Variants in ADIPOR2 observed in about 807,000 individuals in gnomAD.
The protein encoded by ADIPOR2 is adiponectin receptor 2.
A neutral mutation model predicts 40.9 loss-of-function variants in ADIPOR2; 18 were observed. That is an observed-to-expected ratio of 0.44 (90% CI 0.30 to 0.65). The LOEUF (loss-of-function observed/expected upper bound fraction) is 0.65, where lower values mean the gene tolerates loss of function less well. Ranked by LOEUF, ADIPOR2 falls within the 30% of genes least tolerant of loss-of-function variation. The pLI is 0.09. For synonymous variants in ADIPOR2, 165 were observed against 166.4 expected (o/e 0.99, Z 0.06); for missense variants, 283 against 479.2 (o/e 0.59, Z 3.82).
chr12:1,757,612 T>G (rs1862166093), intron 2 of ADIPOR2: 7 of 1,254,890 alleles, frequency 5.6e-6, no homozygotes, highest in Non-Finnish European at 7.0e-6. Context: ...AGTCACCAGA[T>G]GAGGGATTCC....
intron 2 of ADIPOR2, among the ~76,000 whole-genome samples, chr12:1,759,304 T>C (rs938453852): frequency 1.3e-5 from 2 of 152,238 alleles, no homozygotes; most frequent in African/African-American, 2.4e-5. Flanking sequence ...TTTGTTTTTT[T>C]CCCTCTTTTA....
At chr12:1,745,912 CAT>C (rs1348757757) in intron 1 of ADIPOR2, among the ~76,000 whole-genome samples, 2 of 150,440 alleles carry the variant, frequency 1.3e-5, no homozygotes, top group African/African-American at 2.5e-5. Flanking sequence ...TTTCATAAAA[CAT>C]ATGTTACACG....
rs1486125010 is a variant in ADIPOR2, at chr12:1,779,505, G to C, written c.464-946G>C. 3.9e-5 allele frequency among the ~76,000 whole-genome samples: 6 copies of C among 152,106 alleles called. 1 individual carries two copies. The highest frequency in any genetic ancestry group is 3.3e-4 in the Admixed American group (5 of 15,274). On this transcript the variant is annotated intron_variant, in intron 4 of 7. Transcript: ENST00000357103. ...GACAGTAGATTAGTGGTTGTTTAGG[G>C]CTGTAAGGAGTGGGGAATGGGGGAT...
Position 1,780,632 on chromosome 12 carries a change from C to T in ADIPOR2, c.645C>T (p.Phe215=). The change falls in exon 5 of 8, where the codon TTC becomes TTT. Residue 215 remains phenylalanine, a synonymous_variant. Coordinates refer to ENST00000357103, the MANE Select transcript of ADIPOR2 (RefSeq NM_024551.3). ...ACTCAGAGGGGGTCTCTCGGCTCTT[C>T]TCTAAGTAAGTATCTGTAAAGTCCG... ...YCHSEGVSRL[F]SKLDYSGIAL... is the part of the protein sequence containing the mutation. 1 of 1,588,342 alleles carries T rather than the reference C, an allele frequency of 6.3e-7. No individual in the cohort carries two copies. The highest frequency in any genetic ancestry group is 8.5e-7 in the Non-Finnish European group (1 of 1,171,582).
Position 1,773,052 on chromosome 12 carries a change from T to G in ADIPOR2, c.291+91T>G, listed in dbSNP as rs985984610. The G allele has an allele frequency of 3.5e-6, 5 of 1,433,800 alleles. No individual in the cohort carries two copies. The African/African-American group carries it at 5.7e-5, about 16-fold the overall frequency. 88.8% of individuals were successfully genotyped at this position (1,433,800 alleles called of 1,614,324 possible). ...AAGAGAGTGGTAGTACTATAGCCTT[T>G]GGTTTGCTTTGGGGAAGATCTGTGG... On this transcript the variant is annotated intron_variant, in intron 3 of 7. Coordinates refer to ENST00000357103, the MANE Select transcript of ADIPOR2 (RefSeq NM_024551.3).
intron 1 of ADIPOR2, among the ~76,000 whole-genome samples, chr12:1,742,082 G>GT (rs1185832357): frequency 1.3e-5 from 2 of 151,658 alleles, no homozygotes; most frequent in African/African-American, 2.4e-5. Flanking sequence ...GCCAGGGTCT[G>GT]TTTTTTGTCA....
chr12:1,708,298 G>A (rs149656014), intron 1 of ADIPOR2, among the ~76,000 whole-genome samples: 9 of 151,920 alleles, frequency 5.9e-5, no homozygotes, highest in East Asian at 1.9e-4. Context: ...CAGGGATACC[G>A]AGAGATGACT....
chr12:1,761,202 G>T (rs1396425092), intron 2 of ADIPOR2, among the ~76,000 whole-genome samples: 1 of 152,148 alleles, frequency 6.6e-6, no homozygotes, highest in Non-Finnish European at 1.5e-5. Context: ...TCCACTAGGG[G>T]TCTTAGAACA....
rs764833029 is a variant in ADIPOR2, at chr12:1,701,500, T to G, written c.-87+10309T>G. Among the ~76,000 whole-genome samples, 223 of 152,316 alleles carry G rather than the reference T, an allele frequency of 1.5e-3. 2 individuals are homozygous for G. Among genetic ancestry groups the G allele is most frequent in the Non-Finnish European group, 2.8e-3 (188 of 68,030 alleles). Reference sequence around the variant, plus strand: ...AAATCATAGTATTGCTTTGCATATTTTCAGATTTGATGTAAATGATATATT... The same window carrying G: ...AAATCATAGTATTGCTTTGCATATTGTCAGATTTGATGTAAATGATATATT... On this transcript the variant is annotated intron_variant, in intron 1 of 7. Transcript: ENST00000357103.
At chr12:1,698,072 G>A (rs1434551606) in intron 1 of ADIPOR2, 1 of 152,234 alleles carries the variant, frequency 6.6e-6, no homozygotes, top group Admixed American at 6.5e-5. Context: ...TCCACAGTGA[G>A]TAGTTCTCAG....
At chr12:1,693,520 CT>C (rs35175001) in intron 1 of ADIPOR2, among the ~76,000 whole-genome samples, 44,638 of 140,076 alleles carry the variant, frequency 0.32, 7,004 homozygotes, top group East Asian at 0.49. Flanking sequence ...TTGTAATCTG[CT>C]TTTTTTTTTT....
chr12:1,748,528 G>A (rs4765842), intron 1 of ADIPOR2, among the ~76,000 whole-genome samples: 62,106 of 151,822 alleles, frequency 0.41, 13,936 homozygotes, highest in African/African-American at 0.6. Context: ...GATTACAGGC[G>A]TGAGCCACCG....
chr12:1,781,607 T>C (rs1168762158), intron 6 of ADIPOR2, among the ~76,000 whole-genome samples: 1 of 152,184 alleles, frequency 6.6e-6, no homozygotes, highest in Non-Finnish European at 1.5e-5. Context: ...TAATGCCTGT[T>C]TAGCTGGAGA....
chr12:1,738,199 C>G (rs1166010886), intron 1 of ADIPOR2, among the ~76,000 whole-genome samples: 1 of 138,450 alleles, frequency 7.2e-6, no homozygotes, highest in Admixed American at 7.5e-5. Context: ...ATGAAGAAAC[C>G]CTGTCTCTAC....
rs1565660591 is a variant in ADIPOR2, at chr12:1,783,861, CTCT to C, written c.839-14_839-12del. On this transcript the variant is annotated splice_polypyrimidine_tract_variant and intron_variant, in intron 6 of 7. Coordinates refer to ENST00000357103, the MANE Select transcript of ADIPOR2 (RefSeq NM_024551.3). ...TGTTTCTCTTCTGCATTACTTTACT[CTCT>C]TCTTGTGACTCCTAGGAGTGTTTTT... 1 of 1,554,946 alleles carries C rather than the reference CTCT, an allele frequency of 6.4e-7. No individual in the cohort carries two copies. The highest frequency in any genetic ancestry group is 1.9e-5 in the Admixed American group (1 of 53,600).
chr12:1,745,917 G>T (rs1273827761), intron 1 of ADIPOR2, among the ~76,000 whole-genome samples: 6 of 150,514 alleles, frequency 4.0e-5, no homozygotes, highest in Non-Finnish European at 8.8e-5. Context: ...TAAAACATAT[G>T]TTACACGAAC....
chr12:1,762,826 A>G (rs1862299099), intron 2 of ADIPOR2, among the ~76,000 whole-genome samples: 1 of 152,228 alleles, frequency 6.6e-6, no homozygotes, highest in Non-Finnish European at 1.5e-5. Flanking sequence ...GACTCTTGTC[A>G]TGGGGATGAT....
intron 1 of ADIPOR2, among the ~76,000 whole-genome samples, chr12:1,728,502 C>T (rs1030256554): frequency 3.3e-5 from 5 of 151,454 alleles, no homozygotes; most frequent in African/African-American, 1.2e-4. Flanking sequence ...GTGGGTGGAT[C>T]ACTTGAGGTC....
chr12:1,705,386 A>T (rs12318550), intron 1 of ADIPOR2, among the ~76,000 whole-genome samples: 1 of 152,160 alleles, frequency 6.6e-6, no homozygotes, highest in African/African-American at 2.4e-5. Context: ...GAGCATCTCT[A>T]ATCCAAAAAT....
Sources: allele counts gnomAD v4.1 joint callset (sites outside exome capture counted in the v4.1 genomes callset), GRCh38; gene constraint gnomAD v4.1.1; transcripts MANE v1.5; gene names NCBI Gene and HGNC (gene_info 2026-07-23, HGNC 2026-07-21).